Variants in CCDC7 observed in about 807,000 individuals in gnomAD.
The protein encoded by CCDC7 is coiled-coil domain-containing protein 7.
In CCDC7, 183 loss-of-function variants were observed where a neutral mutation model predicts 196.9. The observed-to-expected ratio is 0.93, with a 90% CI of 0.82 to 1.05. The LOEUF (loss-of-function observed/expected upper bound fraction) is 1.05, where lower values mean the gene tolerates loss of function less well. Ranked by LOEUF, CCDC7 falls within the 50% of genes least tolerant of loss-of-function variation. The pLI, the probability that CCDC7 is intolerant of heterozygous loss-of-function variation, is 0.00. For missense variants in CCDC7, 1,540 were observed against 1,482.2 expected, an observed-to-expected ratio of 1.04 and a Z score of -0.64; for synonymous variants, 525 against 484.6, an observed-to-expected ratio of 1.08 and a Z score of -1.10.
chr10:32,583,094 A>G, exon 17 of CCDC7: 1 of 1,231,422 alleles, frequency 8.1e-7, no homozygotes, highest in Non-Finnish European at 1.0e-6. Context: ...TTAAGTCTCA[A>G]GATGAATCAG....
At chr10:32,642,360 T>A (rs922505730) in intron 20 of CCDC7, among the ~76,000 whole-genome samples, 2 of 151,912 alleles carry the variant, frequency 1.3e-5, no homozygotes, top group Non-Finnish European at 2.9e-5. Flanking sequence ...CGGGCGCCCC[T>A]CCCCCAGCCT....
At chr10:32,588,800 T>C (rs2059529085) in intron 18 of CCDC7, among the ~76,000 whole-genome samples, 1 of 152,146 alleles carries the variant, frequency 6.6e-6, no homozygotes, top group Admixed American at 6.5e-5. Context: ...GAAAGCGTTA[T>C]GATTACCGGT....
chr10:32,716,146 C>T (rs1047841850), intron 25 of CCDC7, among the ~76,000 whole-genome samples: 2 of 152,086 alleles, frequency 1.3e-5, no homozygotes, highest in African/African-American at 4.8e-5. Context: ...TTAAGGGCAG[C>T]CAGAGAGAAA....
At chr10:32,638,483 A>T (rs2066085654) in intron 20 of CCDC7, among the ~76,000 whole-genome samples, 1 of 152,184 alleles carries the variant, frequency 6.6e-6, no homozygotes, top group Admixed American at 6.5e-5. Context: ...ATCTATTGAG[A>T]TAATCATGTG....
chr10:32,485,747 A>C (rs554247655), intron 8 of CCDC7, among the ~76,000 whole-genome samples: 1 of 152,078 alleles, frequency 6.6e-6, no homozygotes, highest in African/African-American at 2.4e-5. Context: ...CCTTCATTTC[A>C]TTATTTACCC....
chr10:32,501,504 C>T (rs995314160), intron 9 of CCDC7, among the ~76,000 whole-genome samples: 1 of 152,126 alleles, frequency 6.6e-6, no homozygotes, highest in African/African-American at 2.4e-5. Context: ...TGGTTTCTCC[C>T]CATCTTTGTG....
chr10:32,784,570 T>A (rs2081530944), intron 29 of CCDC7, among the ~76,000 whole-genome samples: 1 of 150,650 alleles, frequency 6.6e-6, no homozygotes, highest in African/African-American at 2.4e-5. Context: ...TTTCTTTTTA[T>A]AAGCCAAAGT....
intron 28 of CCDC7, among the ~76,000 whole-genome samples, chr10:32,740,155 T>C (rs1321490078): frequency 6.6e-6 from 1 of 152,056 alleles, no homozygotes; most frequent in Non-Finnish European, 1.5e-5. Flanking sequence ...CTTCCCCGTG[T>C]TGAAGGGTAG....
intron 29 of CCDC7, among the ~76,000 whole-genome samples, chr10:32,797,775 A>G (rs1397339289): frequency 6.6e-6 from 1 of 152,170 alleles, no homozygotes; most frequent in Admixed American, 6.5e-5. Flanking sequence ...TACTGGACCC[A>G]TGAATCCTGG....
chr10:32,515,871 C>T (rs2046950307), intron 9 of CCDC7, among the ~76,000 whole-genome samples: 1 of 152,072 alleles, frequency 6.6e-6, no homozygotes, highest in Non-Finnish European at 1.5e-5. Context: ...GCACTAATGT[C>T]AAAATTATCA....
chr10:32,636,759 G>A (rs2065727939), intron 20 of CCDC7, among the ~76,000 whole-genome samples: 1 of 152,156 alleles, frequency 6.6e-6, no homozygotes, highest in Non-Finnish European at 1.5e-5. Context: ...TGGGATGGCT[G>A]GGTCAAATGG....
chr10:32,706,808 T>A (rs2079849731), intron 24 of CCDC7, among the ~76,000 whole-genome samples: 1 of 152,182 alleles, frequency 6.6e-6, no homozygotes, highest in South Asian at 2.1e-4. Context: ...TAACAGGCTC[T>A]GAAATAGAGG....
At chr10:32,488,011 C>T (rs1022799554) in intron 8 of CCDC7, among the ~76,000 whole-genome samples, 1 of 152,216 alleles carries the variant, frequency 6.6e-6, no homozygotes, top group Non-Finnish European at 1.5e-5. Flanking sequence ...CTCTTCAAAG[C>T]TGTCAGACAG....
intron 18 of CCDC7, among the ~76,000 whole-genome samples, chr10:32,590,309 C>T (rs1382052688): frequency 1.4e-5 from 2 of 145,762 alleles, no homozygotes; most frequent in African/African-American, 4.9e-5. Flanking sequence ...TAACTTAACA[C>T]TGATTGCACA....
chr10:32,784,663 C>T (rs1022034398), intron 29 of CCDC7, among the ~76,000 whole-genome samples: 2 of 151,982 alleles, frequency 1.3e-5, no homozygotes, highest in African/African-American at 4.8e-5. Flanking sequence ...CCTTCGCCTC[C>T]CGGATTCAAG....
intron 11 of CCDC7, among the ~76,000 whole-genome samples, chr10:32,538,427 A>G (rs2050865087): frequency 6.6e-6 from 1 of 152,126 alleles, no homozygotes; most frequent in Admixed American, 6.6e-5. Context: ...TCATGCCATC[A>G]AACAGGGGTA....
intron 30 of CCDC7, among the ~76,000 whole-genome samples, chr10:32,814,007 G>C (rs577349279): frequency 5.3e-5 from 8 of 151,816 alleles, no homozygotes; most frequent in Non-Finnish European, 1.2e-4. Context: ...CACCGGGCTG[G>C]AGTGCAGTGG....
intron 13 of CCDC7, among the ~76,000 whole-genome samples, chr10:32,554,998 G>A (rs1044029825): frequency 3.3e-5 from 5 of 152,140 alleles, no homozygotes; most frequent in Non-Finnish European, 7.4e-5. Flanking sequence ...TTAATGTAGT[G>A]ACCTCCAGTT....
intron 31 of CCDC7, among the ~76,000 whole-genome samples, chr10:32,819,538 C>T (rs1048522665): frequency 6.6e-6 from 1 of 152,100 alleles, no homozygotes; most frequent in African/African-American, 2.4e-5. Flanking sequence ...GACCAATATC[C>T]CTCATGAACA....
Sources: gnomAD v4.1 joint callset for allele counts (sites outside exome capture counted in the v4.1 genomes callset) on GRCh38, gnomAD v4.1.1 for gene constraint, MANE v1.5 for transcripts, NCBI Gene and HGNC (gene_info 2026-07-23, HGNC 2026-07-21) for gene names.